ARHGAP42: variants seen among roughly 807,000 people sequenced by gnomAD.
The protein encoded by ARHGAP42 is rho GTPase-activating protein 42.
In ARHGAP42, 63 loss-of-function variants were observed where a neutral mutation model predicts 125.0. That is an observed-to-expected ratio of 0.50 (90% confidence interval 0.41 to 0.62). The LOEUF (loss-of-function observed/expected upper bound fraction) is 0.62, where lower values mean the gene tolerates loss of function less well. Ranked by LOEUF, ARHGAP42 falls within the 20% of genes least tolerant of loss-of-function variation. The pLI is 0.00. For synonymous variants in ARHGAP42, 339 were observed against 351.0 expected (o/e 0.97, Z 0.38); for missense variants, 766 against 1,024.2 (o/e 0.75, Z 3.44).
chr11:100,826,852 C>A (rs1008072868), intron 3 of ARHGAP42, among the ~76,000 whole-genome samples: 4 of 152,066 alleles, frequency 2.6e-5, no homozygotes, highest in Middle Eastern at 3.4e-3. Flanking sequence ...AAGGGAGTTA[C>A]CAGATCAAGC....
rs1392742456 is a variant in ARHGAP42 at position 100,933,367 on chromosome 11, C to CA, written c.702+111dup. 5 of 684,420 alleles carry CA rather than the reference C, an allele frequency of 7.3e-6. No individual in the cohort carries two copies. The African/African-American group carries it at 9.4e-5, about 13-fold the overall frequency. 42.4% of individuals were successfully genotyped at this position (684,420 alleles called of 1,614,324 possible). ...AGCTGCTAGTGGAAAATACAACCCA[C>CA]AAAACCCTAATCTTAGTTAGAAAAA... is the stretch of plus-strand genomic sequence containing the variant. On this transcript the variant is annotated intron_variant, in intron 7 of 23. Coordinates refer to ENST00000298815, the MANE Select transcript of ARHGAP42 (RefSeq NM_152432.4).
In ARHGAP42 at chr11:100,897,974, G is replaced by A. The variant is rs188918202; in HGVS notation, c.385-15478G>A. Among the ~76,000 whole-genome samples, 1,444 of 152,178 alleles carry A rather than the reference G, an allele frequency of 9.5e-3. 17 individuals are homozygous for A. Among genetic ancestry groups the A allele is most frequent in the African/African-American group, 0.033 (1,379 of 41,494 alleles). ...CCCATTCAGTATGATATTGGCTGTG[G>A]GTTTGTCATAAATAGCACTTATTAT... On this transcript the variant is annotated intron_variant, in intron 4 of 23. Transcript: ENST00000298815.
chr11:100,708,664 T>G (rs910038412), intron 1 of ARHGAP42, among the ~76,000 whole-genome samples: 5 of 152,330 alleles, frequency 3.3e-5, no homozygotes, highest in African/African-American at 1.2e-4. Flanking sequence ...TGGCTTTCTA[T>G]GATGATAAAC....
At chr11:100,930,400 A>G (rs989228413) in intron 6 of ARHGAP42, among the ~76,000 whole-genome samples, 7 of 152,202 alleles carry the variant, frequency 4.6e-5, no homozygotes, top group Admixed American at 2.0e-4. Context: ...TCATAATGCA[A>G]TCTTCAATAA....
At chr11:100,883,351 A>G (rs1268991154) in intron 4 of ARHGAP42, among the ~76,000 whole-genome samples, 1 of 151,866 alleles carries the variant, frequency 6.6e-6, no homozygotes, top group African/African-American at 2.4e-5. Context: ...TTTGTTTTTT[A>G]TTTTTTGAGA....
At chr11:100,866,774 A>G (rs1011110886) in intron 4 of ARHGAP42, among the ~76,000 whole-genome samples, 12 of 152,262 alleles carry the variant, frequency 7.9e-5, no homozygotes, top group Middle Eastern at 3.4e-3. Context: ...CCCTCCTCCA[A>G]CAGTGGGAAT....
At chr11:100,852,559 C>G (rs1268231751) in intron 3 of ARHGAP42, among the ~76,000 whole-genome samples, 1 of 152,080 alleles carries the variant, frequency 6.6e-6, no homozygotes, top group African/African-American at 2.4e-5. Context: ...CTGAAGCTCC[C>G]TCCCCTTGCT....
At chr11:100,898,366 G>T (rs1866421213) in intron 4 of ARHGAP42, among the ~76,000 whole-genome samples, 1 of 151,940 alleles carries the variant, frequency 6.6e-6, no homozygotes, top group African/African-American at 2.4e-5. Flanking sequence ...AAAATGAATT[G>T]GGGAAGATTC....
intron 4 of ARHGAP42, among the ~76,000 whole-genome samples, chr11:100,878,397 C>A (rs1591262062): frequency 6.6e-6 from 1 of 152,116 alleles, no homozygotes; most frequent in Admixed American, 6.5e-5. Context: ...GCCGAGTCAC[C>A]CATTCTCCAT....
rs986612168 is a variant in ARHGAP42 at position 100,991,187 on chromosome 11, C to A, written c.*2386C>A. 7.9e-6 allele frequency: 1 copy of A among 125,822 alleles called. No homozygotes were observed. The highest frequency in any genetic ancestry group is 1.9e-5 in the Non-Finnish European group (1 of 51,852). 7.8% of individuals were successfully genotyped at this position (125,822 alleles called of 1,614,324 possible). A position where few individuals can be genotyped will look rare whatever the true frequency, so the allele number is the denominator to read the frequency against. On this transcript the variant is annotated 3_prime_UTR_variant, in exon 24 of 24. Coordinates refer to ENST00000298815, the MANE Select transcript of ARHGAP42 (RefSeq NM_152432.4). ...GCTCTTTTTCCTTCATAATGGATTA[C>A]AATGTAAGCAAGTCATGGCCATATA...
chr11:100,896,496 G>C (rs530180308), intron 4 of ARHGAP42, among the ~76,000 whole-genome samples: 55 of 152,164 alleles, frequency 3.6e-4, no homozygotes, highest in African/African-American at 1.3e-3. Flanking sequence ...TCCTGTCCAG[G>C]ATCTGTTGTT....
At chr11:100,721,183 A>G (rs1343624949) in intron 1 of ARHGAP42, among the ~76,000 whole-genome samples, 1 of 152,208 alleles carries the variant, frequency 6.6e-6, no homozygotes, top group East Asian at 1.9e-4. Context: ...GCAAATGCAC[A>G]ATGTCATGTA....
chr11:100,762,970 ATTTTTTTTT>A (rs553749625), intron 1 of ARHGAP42, among the ~76,000 whole-genome samples: 2,548 of 85,032 alleles, frequency 0.03, 42 homozygotes, highest in Non-Finnish European at 0.031. Context: ...GTTTATAGTG[ATTTTTTTTT>A]TTTTTTTTTT....
chr11:100,815,221 G>A (rs1350040210), intron 3 of ARHGAP42, among the ~76,000 whole-genome samples: 1 of 152,156 alleles, frequency 6.6e-6, no homozygotes, highest in African/African-American at 2.4e-5. Flanking sequence ...GTATTATATT[G>A]CAGGTTCCTT....
intron 9 of ARHGAP42, among the ~76,000 whole-genome samples, chr11:100,942,882 T>A (rs1402998299): frequency 6.6e-6 from 1 of 152,162 alleles, no homozygotes; most frequent in East Asian, 1.9e-4. Flanking sequence ...TAATAGTTAC[T>A]ACTGTAAATC....
At chr11:100,732,787 A>T (rs915436920) in intron 1 of ARHGAP42, among the ~76,000 whole-genome samples, 2 of 152,202 alleles carry the variant, frequency 1.3e-5, no homozygotes, top group South Asian at 4.1e-4. Context: ...TCTTCCATCA[A>T]ACACTTAACC....
chr11:100,694,999 C>T (rs897556420), intron 1 of ARHGAP42, among the ~76,000 whole-genome samples: 1 of 152,148 alleles, frequency 6.6e-6, no homozygotes. Flanking sequence ...CCATTGCGCT[C>T]CAGCCTGGTT....
chr11:100,814,070 G>A (rs1389203136), intron 3 of ARHGAP42, among the ~76,000 whole-genome samples: 1 of 152,172 alleles, frequency 6.6e-6, no homozygotes, highest in African/African-American at 2.4e-5. Flanking sequence ...GCAGATGCCT[G>A]TAATCCCAGC....
At chr11:100,918,800 A>ATT (rs1267465265) in intron 5 of ARHGAP42, among the ~76,000 whole-genome samples, 1 of 152,194 alleles carries the variant, frequency 6.6e-6, no homozygotes, top group African/African-American at 2.4e-5. Flanking sequence ...GAAAACACCT[A>ATT]TAAGTGGCAA....
Sources: gnomAD v4.1 joint callset for allele counts (sites outside exome capture counted in the v4.1 genomes callset) on GRCh38, gnomAD v4.1.1 for gene constraint, MANE v1.5 for transcripts, NCBI Gene and HGNC (gene_info 2026-07-23, HGNC 2026-07-21) for gene names.